Variants in SIPA1L1 observed in about 807,000 individuals in gnomAD.
SIPA1L1 encodes signal-induced proliferation-associated 1-like protein 1.
Under a neutral mutation model 162.7 loss-of-function variants are expected in SIPA1L1, and 26 were observed. That is an observed-to-expected ratio of 0.16 (90% CI 0.12 to 0.22). The LOEUF is 0.22. Among genes scored for constraint, SIPA1L1 ranks in the 10% least tolerant of loss-of-function variants. The pLI is 1.00. For missense variants in SIPA1L1, 1,874 were observed against 2,241.0 expected (o/e 0.84, Z 3.31); for synonymous variants, 829 against 837.4 (o/e 0.99, Z 0.17).
chr14:71,595,080 T>G (rs573306017), intron 5 of SIPA1L1, among the ~76,000 whole-genome samples: 1 of 152,328 alleles, frequency 6.6e-6, no homozygotes, highest in South Asian at 2.1e-4. Flanking sequence ...CCTGAGCCTC[T>G]CAAGCCAGAG....
intron 2 of SIPA1L1, among the ~76,000 whole-genome samples, chr14:71,373,090 T>C (rs41219): frequency 0.48 from 73,076 of 151,614 alleles, 18,191 homozygotes; most frequent in Admixed American, 0.54. Context: ...TGCAGGCGGA[T>C]CATGAGGTCA....
intron 2 of SIPA1L1, among the ~76,000 whole-genome samples, chr14:71,411,895 AG>A (rs2042432876): frequency 6.6e-6 from 1 of 152,246 alleles, no homozygotes; most frequent in Non-Finnish European, 1.5e-5. Flanking sequence ...TTGTTCAGTT[AG>A]AATGGAGTAA....
intron 2 of SIPA1L1, among the ~76,000 whole-genome samples, chr14:71,335,489 C>T (rs1409233384): frequency 1.3e-5 from 2 of 152,198 alleles, no homozygotes; most frequent in South Asian, 2.1e-4. Flanking sequence ...AAGGTCCTGA[C>T]ACATGCAGTG....
intron 7 of SIPA1L1, among the ~76,000 whole-genome samples, chr14:71,641,454 G>A (rs551744539): frequency 2.1e-3 from 326 of 152,334 alleles, no homozygotes; most frequent in African/African-American, 7.5e-3. Context: ...CGGGCGTGGT[G>A]GCTCATGCCT....
chr14:71,345,512 GC>G (rs1566912584), intron 2 of SIPA1L1, among the ~76,000 whole-genome samples: 1 of 151,648 alleles, frequency 6.6e-6, no homozygotes, highest in Non-Finnish European at 1.5e-5. Flanking sequence ...TTCTGTATTT[GC>G]TTCATTAGAC....
chr14:71,666,025 T>C (rs894903630), intron 10 of SIPA1L1, among the ~76,000 whole-genome samples: 1 of 152,158 alleles, frequency 6.6e-6, no homozygotes, highest in African/African-American at 2.4e-5. Flanking sequence ...GGCTTCACTG[T>C]GGAAACACAG....
intron 20 of SIPA1L1, among the ~76,000 whole-genome samples, chr14:71,732,548 C>T (rs1249770898): frequency 3.3e-5 from 5 of 152,172 alleles, no homozygotes; most frequent in Admixed American, 6.5e-5. Context: ...GCTCACTCTG[C>T]CCAGTCCTCC....
Position 71,699,046 on chromosome 14 carries a change from G to A in SIPA1L1, c.3440G>A (p.Arg1147Gln), listed in dbSNP as rs200964349. 29 of 1,613,992 alleles carry A rather than the reference G, an allele frequency of 1.8e-5. No individual in the cohort carries two copies. The highest frequency in any genetic ancestry group is 5.3e-5 in the African/African-American group (4 of 74,900). ...SSMALARSQC[R>Q]NSPSNLSSSS... Reference sequence around the variant, plus strand: ...ATGGCTTTAGCAAGATCCCAGTGTCGGAACTCTCCTAGCAACTTGTCTTCA... The same window carrying A: ...ATGGCTTTAGCAAGATCCCAGTGTCAGAACTCTCCTAGCAACTTGTCTTCA... Residue 1147 changes from arginine to glutamine, a missense_variant, in exon 14 of 24, where the codon CGG (arginine) becomes CAG (glutamine). Physicochemically the swap from Arg to Gln is conservative, Grantham distance 43. Coordinates refer to ENST00000381232, the MANE Select transcript of SIPA1L1 (RefSeq NM_001386936.1).
intron 2 of SIPA1L1, among the ~76,000 whole-genome samples, chr14:71,462,513 A>G (rs1321380320): frequency 6.6e-6 from 1 of 152,234 alleles, no homozygotes; most frequent in African/African-American, 2.4e-5. Flanking sequence ...AAATAGGTCC[A>G]CTAGGCGTTG....
At chr14:71,608,811 C>T (rs1270001929) in intron 5 of SIPA1L1, among the ~76,000 whole-genome samples, 2 of 152,092 alleles carry the variant, frequency 1.3e-5, no homozygotes, top group Non-Finnish European at 2.9e-5. Flanking sequence ...AGAGGAATTG[C>T]TTGAACCTGG....
intron 4 of SIPA1L1, among the ~76,000 whole-genome samples, chr14:71,579,444 G>A (rs1451745753): frequency 6.6e-6 from 1 of 152,144 alleles, no homozygotes; most frequent in Admixed American, 6.5e-5. Context: ...TACTCCTGGG[G>A]TGCTGGTGAG....
intron 17 of SIPA1L1, among the ~76,000 whole-genome samples, chr14:71,712,957 G>A (rs2082986687): frequency 1.3e-5 from 2 of 152,134 alleles, no homozygotes; most frequent in Admixed American, 1.3e-4. Context: ...CATCTAGTCA[G>A]TACAAGAGGA....
intron 7 of SIPA1L1, among the ~76,000 whole-genome samples, chr14:71,639,133 A>G (rs1049467651): frequency 2.0e-5 from 3 of 152,218 alleles, no homozygotes; most frequent in Non-Finnish European, 2.9e-5. Context: ...AATGTTGGGC[A>G]TGATGGCTCA....
At chr14:71,324,752 A>T (rs975466236) in intron 2 of SIPA1L1, among the ~76,000 whole-genome samples, 2 of 152,136 alleles carry the variant, frequency 1.3e-5, no homozygotes, top group African/African-American at 2.4e-5. Flanking sequence ...TCTCTTTTTA[A>T]ACTCATTTCC....
rs189907107 is a variant in SIPA1L1, at chr14:71,323,551, A to T, written c.-465+2370A>T. On this transcript the variant is annotated intron_variant, in intron 2 of 23. Transcript: ENST00000381232. The stretch of plus-strand genomic sequence containing the variant: ...ATCTCAGATTTGAGCCTTTTGGTTC[A>T]CTGACCATATTAGATTTTCTCTATG... 4.3e-4 allele frequency among the ~76,000 whole-genome samples: 66 copies of T among 152,336 alleles called. 1 individual carries two copies. The highest frequency in any genetic ancestry group is 1.5e-3 in the African/African-American group (62 of 41,578).
chr14:71,539,827 C>T (rs986797254), intron 4 of SIPA1L1, among the ~76,000 whole-genome samples: 2 of 152,162 alleles, frequency 1.3e-5, no homozygotes, highest in African/African-American at 4.8e-5. Flanking sequence ...GGGGCATTTC[C>T]TTCCTCGATC....
intron 2 of SIPA1L1, among the ~76,000 whole-genome samples, chr14:71,511,527 A>C (rs1309864399): frequency 6.6e-6 from 1 of 151,956 alleles, no homozygotes; most frequent in Non-Finnish European, 1.5e-5. Context: ...GGGCTCAAGC[A>C]ATGTGCCCAC....
rs767603847 is a variant in SIPA1L1 at position 71,432,759 on chromosome 14, A to AT, written c.-464-79983dup. On this transcript the variant is annotated intron_variant, in intron 2 of 23. Coordinates refer to ENST00000381232, the MANE Select transcript of SIPA1L1 (RefSeq NM_001386936.1). The stretch of plus-strand genomic sequence containing the variant: ...CTCAACAGAATGAACAATCAAATGA[A>AT]TGTTTGATTGTACAACATGCACATT... Among the ~76,000 whole-genome samples, 55 of 152,360 alleles carry AT rather than the reference A, an allele frequency of 3.6e-4. No individual in the cohort carries two copies. In the East Asian group the frequency reaches 9.3e-3, roughly 26 times the overall value.
intron 7 of SIPA1L1, among the ~76,000 whole-genome samples, chr14:71,627,023 T>TATGCATTTCAA (rs912813290): frequency 3.3e-5 from 5 of 151,884 alleles, no homozygotes; most frequent in Non-Finnish European, 5.9e-5. Context: ...GGAGCTGAAG[T>TATGCATTTCAA]ATGCATTTCA....
Sources: gnomAD v4.1 joint callset for allele counts (sites outside exome capture counted in the v4.1 genomes callset) on GRCh38, gnomAD v4.1.1 for gene constraint, MANE v1.5 for transcripts, NCBI Gene and HGNC (gene_info 2026-07-23, HGNC 2026-07-21) for gene names.